Variants in EXPH5 observed in about 807,000 individuals in gnomAD.
The protein encoded by EXPH5 is exophilin 5.
In EXPH5, 42 loss-of-function variants were observed where a neutral mutation model predicts 41.1. The observed-to-expected ratio is 1.02, with a 90% CI of 0.80 to 1.32. EXPH5 has a LOEUF of 1.32. Among genes scored for constraint, EXPH5 ranks in the 40% most tolerant of loss-of-function variants. The pLI is 0.00. For missense variants in EXPH5, 2,298 were observed against 2,314.5 expected, an observed-to-expected ratio of 0.99 and a Z score of 0.15; for synonymous variants, 798 against 833.5, an observed-to-expected ratio of 0.96 and a Z score of 0.73.
intron 1 of EXPH5, among the ~76,000 whole-genome samples, chr11:108,570,897 T>C (rs372129820): frequency 2.0e-5 from 3 of 152,246 alleles, no homozygotes; most frequent in South Asian, 4.1e-4. Flanking sequence ...TTGGAAATTG[T>C]GGCATTTACA....
chr11:108,533,529 C>T (rs2093858076), intron 3 of EXPH5, among the ~76,000 whole-genome samples: 1 of 152,126 alleles, frequency 6.6e-6, no homozygotes, highest in Non-Finnish European at 1.5e-5. Context: ...CACAAATCTG[C>T]CCCTTTTTTT....
chr11:108,585,663 T>C (rs2852201), intron 1 of EXPH5, among the ~76,000 whole-genome samples: 146,753 of 152,270 alleles, frequency 0.96, 70,986 homozygotes, highest in East Asian at 1. Flanking sequence ...TATATACTGT[T>C]GGTAGGAATG....
At chr11:108,544,823 TG>T (rs1403231837) in intron 1 of EXPH5, among the ~76,000 whole-genome samples, 1 of 152,196 alleles carries the variant, frequency 6.6e-6, no homozygotes, top group Admixed American at 6.5e-5. Context: ...ATCCCCCTTT[TG>T]GGCACACACA....
Position 108,512,519 on chromosome 11 carries a change from G to A in EXPH5, c.2988C>T (p.Thr996=). The change falls in exon 6 of 6, where the codon ACC becomes ACT. Residue 996 remains threonine, a synonymous_variant. Coordinates refer to ENST00000265843, the MANE Select transcript of EXPH5 (RefSeq NM_015065.3). ...LSKTESISVP[T]SDHRSLIEAN... ...CTTCAATGAGGCTCCTGTGATCACT[G>A]GTGGGTACTGATATACTTTCTGTTT... The A allele has an allele frequency of 6.2e-7, 1 of 1,613,800 alleles. No individual in the cohort carries two copies. Among genetic ancestry groups the A allele is most frequent in the South Asian group, 1.1e-5 (1 of 90,990 alleles).
Position 108,539,137 on chromosome 11 carries a change from T to C in EXPH5, c.330A>G (p.Lys110=). 1 of 1,611,022 alleles carries C rather than the reference T, an allele frequency of 6.2e-7. No homozygotes were observed. Among genetic ancestry groups the C allele is most frequent in the East Asian group, 2.2e-5 (1 of 44,852 alleles). Residue 110 remains lysine, a synonymous_variant, in exon 3 of 6, where the codon AAA becomes AAG. Transcript: ENST00000265843. The part of the protein sequence containing the change: ...TSRSKNVTNQ[K]KPTPFSSRMS... ...TCCGGGAAGAAAAAGGTGTCGGCTT[T>C]TTTTGATTAGTTACATTTTTAGATC...
At chr11:108,525,634 A>G (rs1383775113) in intron 4 of EXPH5, among the ~76,000 whole-genome samples, 1 of 152,100 alleles carries the variant, frequency 6.6e-6, no homozygotes, top group South Asian at 2.1e-4. Context: ...ATATAGTACA[A>G]CTTCCCATGA....
chr11:108,602,660 T>C, the EXPH5 span, among the ~76,000 whole-genome samples: 1 of 152,004 alleles, frequency 6.6e-6, no homozygotes, highest in East Asian at 1.9e-4. Context: ...GAGTCTACCA[T>C]GTTAGTCCCC....
intron 1 of EXPH5, among the ~76,000 whole-genome samples, chr11:108,548,187 C>T (rs2136049635): frequency 6.8e-6 from 1 of 147,488 alleles, no homozygotes; most frequent in South Asian, 2.1e-4. Context: ...ATTTAAAAAC[C>T]AGCTCATTTT....
rs2093695895 is a variant in EXPH5 at position 108,513,203 on chromosome 11, C to T, written c.2304G>A (p.Lys768=). ...FNASTIISSK[K]SPRVFSRKDT... ...CTTTCCTGGAAAAGACTCTGGGTGACTTTTTTGAACTTATTATGGTAGATG... is the reference window on the plus strand; with the variant it reads ...CTTTCCTGGAAAAGACTCTGGGTGATTTTTTTGAACTTATTATGGTAGATG... Residue 768 remains lysine (K), a synonymous_variant, in exon 6 of 6, where the codon AAG becomes AAA. Coordinates refer to ENST00000265843, the MANE Select transcript of EXPH5 (RefSeq NM_015065.3). 6.2e-7 allele frequency: 1 copy of T among 1,614,024 alleles called. No homozygotes were observed.
At chr11:108,529,739 G>A (rs765588424) in intron 3 of EXPH5, among the ~76,000 whole-genome samples, 5 of 151,930 alleles carry the variant, frequency 3.3e-5, no homozygotes, top group Admixed American at 1.3e-4. Context: ...AGCTACAAAG[G>A]AGGCTGAGGC....
rs1222397672 is a variant in EXPH5 at position 108,541,731 on chromosome 11, C to A, written c.201G>T (p.Lys67Asn). Reference protein sequence around the residue: ...GEWFEEIQRKKFCNETDVSQM... With the variant: ...GEWFEEIQRKNFCNETDVSQM... The stretch of plus-strand genomic sequence containing the variant: ...GGCTAACATCTGTTTCATTGCAAAA[C>A]TTTTTTCTTTGAATTTCTTCAAACC... The change falls in exon 2 of 6, where the codon AAG (lysine) becomes AAT (asparagine). Residue 67 changes from lysine to asparagine, a missense_variant. Transcript: ENST00000265843. The A allele has an allele frequency of 6.2e-7, 1 of 1,613,138 alleles. No individual in the cohort carries two copies. Among genetic ancestry groups the A allele is most frequent in the East Asian group, 2.2e-5 (1 of 44,812 alleles).
chr11:108,550,605 G>T (rs1277036801), intron 1 of EXPH5, among the ~76,000 whole-genome samples: 1 of 151,914 alleles, frequency 6.6e-6, no homozygotes, highest in Admixed American at 6.6e-5. Flanking sequence ...ATGGAGAAAT[G>T]CTGTCTCTAC....
intron 1 of EXPH5, among the ~76,000 whole-genome samples, chr11:108,556,942 C>T (rs1214932983): frequency 1.3e-5 from 2 of 152,186 alleles, no homozygotes; most frequent in Non-Finnish European, 2.9e-5. Flanking sequence ...CACTTTTAAT[C>T]ACTCCTCTTT....
chr11:108,603,406 A>G, the EXPH5 span, among the ~76,000 whole-genome samples: 2 of 152,184 alleles, frequency 1.3e-5, no homozygotes, highest in Non-Finnish European at 2.9e-5. Context: ...CATATTTCAC[A>G]CCAGTCATGG....
At chr11:108,520,489 C>T (rs1388996978) in intron 4 of EXPH5, among the ~76,000 whole-genome samples, 1 of 152,092 alleles carries the variant, frequency 6.6e-6, no homozygotes, top group Non-Finnish European at 1.5e-5. Flanking sequence ...AAACCTATTG[C>T]TAGTTTTTCA....
At chr11:108,549,763 T>C (rs61913909) in intron 1 of EXPH5, among the ~76,000 whole-genome samples, 5,105 of 152,278 alleles carry the variant, frequency 0.034, 127 homozygotes, top group Non-Finnish European at 0.051. Flanking sequence ...GGCCAAATAT[T>C]TAACTTTCTT....
At position 108,507,006 on chromosome 11, in the gene EXPH5, A is replaced by C. The variant is rs1323184049; in HGVS notation, c.*2531T>G. The C allele has an allele frequency of 6.6e-6, 1 of 151,960 alleles. No homozygotes were observed. Among genetic ancestry groups the C allele is most frequent in the Non-Finnish European group, 1.5e-5 (1 of 68,006 alleles). 9.4% of individuals were successfully genotyped at this position (151,960 alleles called of 1,614,324 possible). ...ACTCTGTCTCAAAGAAAATAATAAT[A>C]ATAATAATAATAATCAGATAAATAG... On this transcript the variant is annotated 3_prime_UTR_variant, in exon 6 of 6. Coordinates refer to ENST00000265843, the MANE Select transcript of EXPH5 (RefSeq NM_015065.3).
At chr11:108,534,393 A>G (rs1157179123) in intron 3 of EXPH5, among the ~76,000 whole-genome samples, 1 of 152,188 alleles carries the variant, frequency 6.6e-6, no homozygotes, top group African/African-American at 2.4e-5. Flanking sequence ...GCTCCTTAGT[A>G]TGGCATTGCT....
chr11:108,587,636 T>C (rs1338402080), intron 1 of EXPH5, among the ~76,000 whole-genome samples: 1 of 152,264 alleles, frequency 6.6e-6, no homozygotes, highest in African/African-American at 2.4e-5. Flanking sequence ...TTACAAGTTA[T>C]TTATTTTTTA....
Sources: allele counts gnomAD v4.1 joint callset (sites outside exome capture counted in the v4.1 genomes callset), GRCh38; gene constraint gnomAD v4.1.1; transcripts MANE v1.5; gene names NCBI Gene and HGNC (gene_info 2026-07-23, HGNC 2026-07-21).